Variants in KIF19 observed in about 807,000 individuals in gnomAD.
KIF19 encodes kinesin family member 19.
A neutral mutation model predicts 106.6 loss-of-function variants in KIF19; 98 were observed. That is an observed-to-expected ratio of 0.92 (90% CI 0.78 to 1.09). The LOEUF is 1.09. Among genes scored for constraint, KIF19 ranks in the 50% least tolerant of loss-of-function variants. KIF19 has a pLI of 0.00. For missense variants in KIF19, 1,373 were observed against 1,414.3 expected (o/e 0.97, Z 0.47); for synonymous variants, 516 against 584.2 (o/e 0.88, Z 1.68).
chr17:74,331,932 G>A lies in KIF19; in HGVS notation c.120+3427G>A, dbSNP rs900011431. On this transcript the variant is annotated intron_variant, in intron 2 of 19. Transcript: ENST00000389916. This position sits in a 1 kb window ranked among gnomAD's most constrained non-coding sequence, Gnocchi z 4.1. ...TGCCTTGGAAGGCCAGTGATTCCAG[G>A]ACCCCGTTCAATTCCATTAGTAGTC... Among the ~76,000 whole-genome samples the A allele has an allele frequency of 7.9e-5, 12 of 152,076 alleles. No individual in the cohort carries two copies. Among genetic ancestry groups the A allele is most frequent in the African/African-American group, 1.9e-4 (8 of 41,386 alleles).
At chr17:74,348,049 C>A in intron 9 of KIF19, 150 bp downstream of exon 9, 1 of 997,478 alleles carries the variant, frequency 1.0e-6, no homozygotes, top group Non-Finnish European at 1.4e-6. Flanking sequence ...TGTACACTTT[C>A]CCTGCACCTC....
At position 74,347,909 on chromosome 17, in the gene KIF19, C is replaced by T; in HGVS notation, c.1047+10C>T. 1 of 1,572,212 alleles carries T rather than the reference C, an allele frequency of 6.4e-7. No individual in the cohort carries two copies. The highest frequency in any genetic ancestry group is 8.6e-7 in the Non-Finnish European group (1 of 1,159,700). On this transcript the variant is annotated intron_variant, in intron 9 of 19. Transcript: ENST00000389916. ...GAACATTAAGACTAGGGTGAGGGCC[C>T]CTGGACCGTCCACCAGGACACACCT...
In KIF19 at chr17:74,352,350, C is replaced by T. The variant is rs767620846; in HGVS notation, c.1980+10C>T. 4.4e-5 allele frequency: 70 copies of T among 1,600,256 alleles called. No individual in the cohort carries two copies. Among genetic ancestry groups the T allele is most frequent in the African/African-American group, 3.1e-4 (23 of 74,580 alleles). ...CTCCAGGGCCCTGCAGGTGGGTGGG[C>T]GCCTGGGCGGCCTGAACATGGGCAC... On this transcript the variant is annotated intron_variant, in intron 14 of 19. Transcript: ENST00000389916.
intron 17 of KIF19, among the ~76,000 whole-genome samples, chr17:74,353,789 G>A (rs1407617678): frequency 1.3e-5 from 2 of 152,236 alleles, no homozygotes; most frequent in African/African-American, 2.4e-5. Context: ...CATTTAGAGA[G>A]ATGGGGGCAG....
chr17:74,347,875 C>G lies in KIF19; in HGVS notation c.1023C>G (p.Gly341=), dbSNP rs1009684082. The change falls in exon 9 of 20, where the codon GGC becomes GGG. Residue 341 remains glycine (G), a synonymous_variant. Transcript: ENST00000389916. ...EESRNTLTYA[G]RAKNIKTRVK... ...CCCGGAACACCCTGACCTACGCCGG[C>G]CGGGCCAAGAACATTAAGACTAGGG... The G allele has an allele frequency of 6.3e-7, 1 of 1,583,850 alleles. No individual in the cohort carries two copies. The highest frequency in any genetic ancestry group is 1.8e-5 in the Admixed American group (1 of 55,496).
In KIF19 at chr17:74,355,190, G is replaced by A. The variant is rs1008156208; in HGVS notation, c.2875G>A (p.Asp959Asn). 1.9e-6 allele frequency: 3 copies of A among 1,600,772 alleles called. No individual in the cohort carries two copies. The highest frequency in any genetic ancestry group is 2.6e-6 in the Non-Finnish European group (3 of 1,172,508). ...LPPSQNTGPG[D>N]SSPLAVPPNP... Reference sequence around the variant, plus strand: ...CCCTTTCCCTGTTGCAGGCCCGGGGGACTCCTCACCCCTGGCTGTTCCCCC... The same window carrying A: ...CCCTTTCCCTGTTGCAGGCCCGGGGAACTCCTCACCCCTGGCTGTTCCCCC... Residue 959 changes from aspartate to asparagine, a missense_variant, in exon 20 of 20, where the codon GAC (aspartate) becomes AAC (asparagine). Asp to Asn is a conservative substitution (Grantham distance 23). This residue lies in a region of KIF19 where 1,020 missense variants were observed against 1,008.2 expected (regional missense o/e 1.01). Coordinates refer to ENST00000389916, the MANE Select transcript of KIF19 (RefSeq NM_153209.4).
rs2053970965 is a variant in KIF19, at chr17:74,328,352, CT to C, written c.40-71del. On this transcript the variant is annotated intron_variant, in intron 1 of 19. Transcript: ENST00000389916. ...GGCTGAATGCTAGAGAAGCCAGGGG[CT>C]TGCTTGAGGTCTCTCTGAGGCCCAG... 3 of 1,397,368 alleles carry C rather than the reference CT, an allele frequency of 2.1e-6. No individual in the cohort carries two copies. In the East Asian group the frequency reaches 7.4e-5, roughly 34 times the overall value. 86.6% of individuals were successfully genotyped at this position (1,397,368 alleles called of 1,614,324 possible). A position where few individuals can be genotyped will look rare whatever the true frequency, so the allele number is the denominator to read the frequency against.
chr17:74,350,594 A>T lies in KIF19; in HGVS notation c.1388+19A>T, dbSNP rs79976824. On this transcript the variant is annotated intron_variant, in intron 11 of 19. Transcript: ENST00000389916. ...TCGCCGGGTAAGCCCCCCTCCCAGGACCCTCCAGGCCCCACCCCTGTGCCT... is the reference window on the plus strand; with the variant it reads ...TCGCCGGGTAAGCCCCCCTCCCAGGTCCCTCCAGGCCCCACCCCTGTGCCT... 410 of 1,611,840 alleles carry T rather than the reference A, an allele frequency of 2.5e-4. No individual in the cohort carries two copies. The East Asian group carries it at 8.6e-3, about 34-fold the overall frequency.
rs912842525 is a variant in KIF19, at chr17:74,344,112, A to G, written c.457-111A>G. Reference sequence around the variant, plus strand: ...TTCTGAGAAGAGCCTGGGCTCAGGAAGGGTGAACTCTTGTCCCTTTCCTGC... The same window carrying G: ...TTCTGAGAAGAGCCTGGGCTCAGGAGGGGTGAACTCTTGTCCCTTTCCTGC... On this transcript the variant is annotated intron_variant, in intron 5 of 19. Transcript: ENST00000389916. 5 of 1,027,738 alleles carry G rather than the reference A, an allele frequency of 4.9e-6. No individual in the cohort carries two copies. In the African/African-American group the frequency reaches 4.9e-5, roughly 10 times the overall value. The allele number at this position is 1,027,738 out of a possible 1,614,324, so 63.7% of individuals were successfully genotyped here. A position where few individuals can be genotyped will look rare whatever the true frequency, so the allele number is the denominator to read the frequency against.
Position 74,343,325 on chromosome 17 carries a change from A to G in KIF19, c.456+165A>G, listed in dbSNP as rs150848914. ...TCAGAGAGGTTAGGCAACTAGGCCAATGTCACACAGTAAGCGAGGGAGCGG... is the reference window on the plus strand; with the variant it reads ...TCAGAGAGGTTAGGCAACTAGGCCAGTGTCACACAGTAAGCGAGGGAGCGG... On this transcript the variant is annotated intron_variant, in intron 5 of 19. Transcript: ENST00000389916. Among the ~76,000 whole-genome samples, 579 of 152,284 alleles carry G rather than the reference A, an allele frequency of 3.8e-3. 3 individuals carry two copies. The highest frequency in any genetic ancestry group is 0.013 in the South Asian group (64 of 4,824).
chr17:74,354,947 T>A lies in KIF19; in HGVS notation c.2866+6T>A. The A allele has an allele frequency of 3.8e-6, 6 of 1,581,816 alleles. No individual in the cohort carries two copies. The highest frequency in any genetic ancestry group is 5.2e-6 in the Non-Finnish European group (6 of 1,163,752). Reference sequence around the variant, plus strand: ...CCCTCCAAGCCAGAACACGGGTCAGTATGGGCAAGGAGGGGATGGGGAGGG... The same window carrying A: ...CCCTCCAAGCCAGAACACGGGTCAGAATGGGCAAGGAGGGGATGGGGAGGG... On this transcript the variant is annotated splice_donor_region_variant and intron_variant, in intron 19 of 19. Coordinates refer to ENST00000389916, the MANE Select transcript of KIF19 (RefSeq NM_153209.4).
intron 9 of KIF19, 33 bp from the exon 10 acceptor site, chr17:74,349,151 G>T (rs1370812103): frequency 6.2e-7 from 1 of 1,612,480 alleles, no homozygotes; most frequent in South Asian, 1.1e-5. Context: ...TGGGGTGACT[G>T]CATCCCCTCC....
intron 2 of KIF19, among the ~76,000 whole-genome samples, chr17:74,339,649 C>T (rs2054307498): frequency 1.3e-5 from 2 of 148,754 alleles, no homozygotes; most frequent in Non-Finnish European, 3.0e-5. Context: ...CGTTCAGCAC[C>T]CACGGCCCCA....
rs373557762 is a variant in KIF19, at chr17:74,346,379, C to T, written c.779C>T (p.Thr260Ile). ...DLAGSERASQ[T>I]QNRGQRMKEG... ...GTGTGCCCTTTGCTCGCCCCCTAGACACAGAATCGTGGGCAGCGTATGAAG... is the reference window on the plus strand; with the variant it reads ...GTGTGCCCTTTGCTCGCCCCCTAGATACAGAATCGTGGGCAGCGTATGAAG... The change falls in exon 8 of 20, where the codon ACA becomes ATA. Residue 260 changes from threonine (T) to isoleucine (I), a missense_variant and splice_region_variant. Physicochemically the swap from Thr to Ile is moderately conservative, Grantham distance 89. This residue lies in a region of KIF19 where 348 missense variants were observed against 389.5 expected (regional missense o/e 0.89). Coordinates refer to ENST00000389916, the MANE Select transcript of KIF19 (RefSeq NM_153209.4). This position sits in a 1 kb window ranked among gnomAD's most constrained non-coding sequence, Gnocchi z 4.6. 3.8e-6 allele frequency: 6 copies of T among 1,572,648 alleles called. No homozygotes were observed. The highest frequency in any genetic ancestry group is 1.8e-5 in the Admixed American group (1 of 54,880).
chr17:74,333,236 C>T lies in KIF19; in HGVS notation c.120+4731C>T, dbSNP rs540057362. Among the ~76,000 whole-genome samples the T allele has an allele frequency of 1.1e-4, 16 of 152,182 alleles. No homozygotes were observed. In the South Asian group the frequency reaches 2.1e-3, roughly 20 times the overall value. Reference sequence around the variant, plus strand: ...GGGGTCAGGATTCTTTACCTCTCCCCGCTTAGCCACCTGCCTGTGTCCCCA... The same window carrying T: ...GGGGTCAGGATTCTTTACCTCTCCCTGCTTAGCCACCTGCCTGTGTCCCCA... On this transcript the variant is annotated intron_variant, in intron 2 of 19. Coordinates refer to ENST00000389916, the MANE Select transcript of KIF19 (RefSeq NM_153209.4).
At chr17:74,351,141 T>C in intron 12 of KIF19, 2 of 558,878 alleles carry the variant, frequency 3.6e-6, no homozygotes, top group Non-Finnish European at 6.4e-6. Context: ...ATTACATAAA[T>C]GCCTGGCACA....
In KIF19 at chr17:74,352,810, C is replaced by T; in HGVS notation, c.1981-11C>T. On this transcript the variant is annotated splice_polypyrimidine_tract_variant and intron_variant, in intron 14 of 19. Coordinates refer to ENST00000389916, the MANE Select transcript of KIF19 (RefSeq NM_153209.4). ...TCTTCTAACTGTCCACCCTGGCTCC[C>T]TCCTCCCCAGGACAGCTCCTTGCCC... is the stretch of plus-strand genomic sequence containing the variant. 6.2e-7 allele frequency: 1 copy of T among 1,613,950 alleles called. No individual in the cohort carries two copies. Among genetic ancestry groups the T allele is most frequent in the Non-Finnish European group, 8.5e-7 (1 of 1,179,838 alleles).
At chr17:74,327,444 A>G (rs1598362588) in intron 1 of KIF19, among the ~76,000 whole-genome samples, 1 of 152,286 alleles carries the variant, frequency 6.6e-6, no homozygotes, top group East Asian at 1.9e-4. Flanking sequence ...CCCGTCAGGT[A>G]GTGTAGTTCC....
In KIF19 at chr17:74,355,186, G is replaced by C. The variant is rs1168370135; in HGVS notation, c.2871G>C (p.Pro957=). 2 of 1,598,976 alleles carry C rather than the reference G, an allele frequency of 1.3e-6. No individual in the cohort carries two copies. Among genetic ancestry groups the C allele is most frequent in the African/African-American group, 1.3e-5 (1 of 74,462 alleles). Residue 957 remains proline (P), a synonymous_variant, in exon 20 of 20, where the codon CCG becomes CCC. Coordinates refer to ENST00000389916, the MANE Select transcript of KIF19 (RefSeq NM_153209.4). ...VKLPPSQNTG[P]GDSSPLAVPP... is the part of the protein sequence containing the mutation. ...CTGCCCCTTTCCCTGTTGCAGGCCC[G>C]GGGGACTCCTCACCCCTGGCTGTTC...
Sources: allele counts gnomAD v4.1 joint callset (sites outside exome capture counted in the v4.1 genomes callset), GRCh38; gene constraint gnomAD v4.1.1; regional missense constraint gnomAD v4.1.1; non-coding constraint Gnocchi (gnomAD v3.1); transcripts MANE v1.5; gene names NCBI Gene and HGNC (gene_info 2026-07-23, HGNC 2026-07-21).